CLPB: variants seen among roughly 807,000 people sequenced by gnomAD.
CLPB encodes mitochondrial disaggregase.
CLPB carries 40 observed loss-of-function variants against 78.4 expected under a neutral mutation model. The ratio of observed to expected loss-of-function variants is 0.51; its 90% CI spans 0.40 to 0.66. The LOEUF is 0.66. Among genes scored for constraint, CLPB ranks in the 30% least tolerant of loss-of-function variants. CLPB has a pLI of 0.00. For synonymous variants in CLPB, 333 were observed against 348.0 expected, an observed-to-expected ratio of 0.96 and a Z score of 0.48; for missense variants, 780 against 886.9, an observed-to-expected ratio of 0.88 and a Z score of 1.53.
chr11:72,425,539 AG>A lies in CLPB; in HGVS notation c.455+4772del, dbSNP rs1364147229. Reference sequence around the variant, plus strand: ...GAGGGCACACGAGCTCCTCTAGGGCAGGGACTGTTTCTCCTTCCTCATTTTG... The same window carrying A: ...GAGGGCACACGAGCTCCTCTAGGGCAGGACTGTTTCTCCTTCCTCATTTTG... On this transcript the variant is annotated intron_variant, in intron 2 of 15. Coordinates refer to ENST00000538039, the MANE Select transcript of CLPB (RefSeq NM_001258392.3). 3.3e-5 allele frequency among the ~76,000 whole-genome samples: 5 copies of A among 152,218 alleles called. No individual in the cohort carries two copies. The South Asian group carries it at 6.2e-4, about 19-fold the overall frequency.
At chr11:72,413,093 A>G (rs1354750453) in intron 2 of CLPB, among the ~76,000 whole-genome samples, 1 of 152,116 alleles carries the variant, frequency 6.6e-6, no homozygotes, top group Admixed American at 6.5e-5. Flanking sequence ...GTTCGAGACC[A>G]GCCTGACCAA....
At chr11:72,417,114 G>A (rs1398917668) in intron 2 of CLPB, among the ~76,000 whole-genome samples, 1 of 152,200 alleles carries the variant, frequency 6.6e-6, no homozygotes, top group Non-Finnish European at 1.5e-5. Context: ...ATAGAAATCT[G>A]TACACGAATG....
intron 9 of CLPB, among the ~76,000 whole-genome samples, chr11:72,304,467 ATAAC>A (rs745589442): frequency 7.2e-5 from 11 of 152,196 alleles, no homozygotes; most frequent in Non-Finnish European, 1.0e-4. Context: ...TATTGCTACT[ATAAC>A]TAAGTCTTTT....
At chr11:72,415,451 T>TA (rs1369135104) in intron 2 of CLPB, among the ~76,000 whole-genome samples, 2 of 152,188 alleles carry the variant, frequency 1.3e-5, no homozygotes, top group African/African-American at 4.8e-5. Context: ...ACTTTCTGTT[T>TA]AGTCCTGAAG....
chr11:72,370,766 A>T (rs761156640), intron 4 of CLPB, among the ~76,000 whole-genome samples: 1 of 152,170 alleles, frequency 6.6e-6, no homozygotes, highest in Non-Finnish European at 1.5e-5. Context: ...AGTAAGTATC[A>T]ATCAATATTA....
rs563749368 is a variant in CLPB, at chr11:72,434,125, G to T, written c.350C>A (p.Ala117Asp). 2 of 1,612,180 alleles carry T rather than the reference G, an allele frequency of 1.2e-6. No individual in the cohort carries two copies. The highest frequency in any genetic ancestry group is 2.2e-5 in the East Asian group (1 of 44,866). ...VPSRAGLGMCALAAALVVHCY... is the reference protein window; with the variant it reads ...VPSRAGLGMCDLAAALVVHCY... Reference sequence around the variant, plus strand: ...ATGAACCACCAGCGCTGCGGCCAGGGCGCACATGCCCAGTCCGGCCCTGCT... The same window carrying T: ...ATGAACCACCAGCGCTGCGGCCAGGTCGCACATGCCCAGTCCGGCCCTGCT... The change falls in exon 1 of 16, where the codon GCC (alanine) becomes GAC (aspartate). Residue 117 changes from alanine (A) to aspartate (D), a missense_variant. By Grantham distance (126) the Ala-to-Asp change is moderately radical. Transcript: ENST00000538039.
At chr11:72,420,184 T>TAAAC (rs1015600089) in intron 2 of CLPB, among the ~76,000 whole-genome samples, 12 of 151,916 alleles carry the variant, frequency 7.9e-5, no homozygotes, top group Non-Finnish European at 1.3e-4. Flanking sequence ...CTCAATTAAA[T>TAAAC]AAACAAACAA....
rs966531623 is a variant in CLPB, at chr11:72,359,287, G to T, written c.647-279C>A. Reference sequence around the variant, plus strand: ...GTCCCTGACCTAACTGACAAGGGAGGCAGACAATAACCAGATGTTTATAGA... The same window carrying T: ...GTCCCTGACCTAACTGACAAGGGAGTCAGACAATAACCAGATGTTTATAGA... On this transcript the variant is annotated intron_variant, in intron 4 of 15. Transcript: ENST00000538039. The T allele has an allele frequency of 8.9e-6, 5 of 562,882 alleles. No homozygotes were observed. In the Admixed American group the frequency reaches 1.2e-4, roughly 13 times the overall value. 34.9% of individuals were successfully genotyped at this position (562,882 alleles called of 1,614,324 possible).
chr11:72,433,962 G>A (rs1856624951), intron 1 of CLPB, 110 bp downstream of exon 1: 1 of 1,354,688 alleles, frequency 7.4e-7, no homozygotes, highest in Admixed American at 2.0e-5. Flanking sequence ...GTCCCTCCAA[G>A]ACTTAGGCTC....
intron 6 of CLPB, among the ~76,000 whole-genome samples, chr11:72,325,582 A>G (rs112357813): frequency 1.3e-5 from 2 of 152,326 alleles, no homozygotes; most frequent in African/African-American, 4.8e-5. Flanking sequence ...TCTAGGGTAA[A>G]TGATGCATTT....
At chr11:72,388,288 T>C (rs1267898410) in intron 3 of CLPB, among the ~76,000 whole-genome samples, 6 of 150,654 alleles carry the variant, frequency 4.0e-5, no homozygotes, top group African/African-American at 1.5e-4. Context: ...TCTCGCTTTG[T>C]CGCCCAGGCT....
chr11:72,293,292 G>A lies in CLPB; in HGVS notation c.*75C>T. On this transcript the variant is annotated 3_prime_UTR_variant, in exon 16 of 16. Coordinates refer to ENST00000538039, the MANE Select transcript of CLPB (RefSeq NM_001258392.3). ...GAGATGGGAGCGGCATGAGGGGAAG[G>A]TAAGTCAGTTGCCATGCCACAGCCA... The A allele has an allele frequency of 5.2e-6, 8 of 1,547,344 alleles. No individual in the cohort carries two copies. The highest frequency in any genetic ancestry group is 7.0e-6 in the Non-Finnish European group (8 of 1,134,878).
Position 72,287,738 on chromosome 11 carries a change from T to A in CLPB, c.*5629A>T, listed in dbSNP as rs1475487643. The stretch of plus-strand genomic sequence containing the variant: ...GTAACCAACTGGCCTATTCAAACTA[T>A]TTCTAGGATCAGTGTTTGCTGGGAA... On this transcript the variant is annotated 3_prime_UTR_variant, in exon 16 of 16. Coordinates refer to ENST00000538039, the MANE Select transcript of CLPB (RefSeq NM_001258392.3). 2 of 152,218 alleles carry A rather than the reference T, an allele frequency of 1.3e-5. No homozygotes were observed. Among genetic ancestry groups the A allele is most frequent in the Non-Finnish European group, 2.9e-5 (2 of 68,036 alleles). The allele number at this position is 152,218 out of a possible 1,614,324, so 9.4% of individuals were successfully genotyped here. A position where few individuals can be genotyped will look rare whatever the true frequency, so the allele number is the denominator to read the frequency against.
intron 4 of CLPB, among the ~76,000 whole-genome samples, chr11:72,365,947 T>C (rs1396633657): frequency 1.3e-5 from 2 of 152,154 alleles, no homozygotes; most frequent in African/African-American, 2.4e-5. Context: ...CCTAAAACTA[T>C]AAAAATCCTA....
rs1362806489 is a variant in CLPB, at chr11:72,289,449, TA to T, written c.*3917del. On this transcript the variant is annotated 3_prime_UTR_variant, in exon 16 of 16. Coordinates refer to ENST00000538039, the MANE Select transcript of CLPB (RefSeq NM_001258392.3). Reference sequence around the variant, plus strand: ...CTCTATGGGAAGTCTAAACATCAAATAGAAAGGAGCAGAAACAGAGATAGCA... The same window carrying T: ...CTCTATGGGAAGTCTAAACATCAAATGAAAGGAGCAGAAACAGAGATAGCA... The T allele has an allele frequency of 9.9e-5, 15 of 151,706 alleles. No individual in the cohort carries two copies. The highest frequency in any genetic ancestry group is 9.9e-4 in the Admixed American group (15 of 15,226). The allele number at this position is 151,706 out of a possible 1,614,324, so 9.4% of individuals were successfully genotyped here.
chr11:72,363,973 C>A (rs1387828719), intron 4 of CLPB, among the ~76,000 whole-genome samples: 1 of 152,202 alleles, frequency 6.6e-6, no homozygotes, highest in Non-Finnish European at 1.5e-5. Context: ...GGCATCACAG[C>A]ACCAGTTAGA....
intron 7 of CLPB, among the ~76,000 whole-genome samples, chr11:72,316,594 G>A (rs753475715): frequency 5.3e-5 from 8 of 152,322 alleles, no homozygotes; most frequent in Admixed American, 3.3e-4. Flanking sequence ...CTTCATGGGT[G>A]GAGAAGACAC....
chr11:72,422,228 T>A (rs962530386), intron 2 of CLPB, among the ~76,000 whole-genome samples: 3 of 121,506 alleles, frequency 2.5e-5, no homozygotes, highest in Non-Finnish European at 5.0e-5. Context: ...ATTGTGCCAC[T>A]GCACTCCAGC....
chr11:72,360,505 G>A lies in CLPB; in HGVS notation c.647-1497C>T, dbSNP rs554392758. Among the ~76,000 whole-genome samples, 9 of 151,984 alleles carry A rather than the reference G, an allele frequency of 5.9e-5. No homozygotes were observed. The South Asian group carries it at 8.3e-4, about 14-fold the overall frequency. On this transcript the variant is annotated intron_variant, in intron 4 of 15. Transcript: ENST00000538039. ...CACCCAGGCTGGAGGGCAGTGGCGC[G>A]ATCTGGCTCAATGCAGCCTCTACCT...
Sources: allele counts gnomAD v4.1 joint callset (sites outside exome capture counted in the v4.1 genomes callset), GRCh38; gene constraint gnomAD v4.1.1; transcripts MANE v1.5; gene names NCBI Gene and HGNC (gene_info 2026-07-23, HGNC 2026-07-21).